The following HEATR9 variants were observed in gnomAD, a reference collection of about 807,000 sequenced individuals.
The protein encoded by HEATR9 is protein HEATR9.
In HEATR9, 54 loss-of-function variants were observed where a neutral mutation model predicts 68.2. The observed-to-expected ratio is 0.79, with a 90% CI of 0.64 to 0.99. HEATR9 has a LOEUF of 0.99. HEATR9 is among the 50% of genes least tolerant of loss of function. The probability of loss-of-function intolerance (pLI) is 0.00; values close to 1 mark genes in which losing one functional copy is unlikely to be tolerated. For missense variants in HEATR9, 662 were observed against 679.7 expected (o/e 0.97, Z 0.29); for synonymous variants, 241 against 253.5 (o/e 0.95, Z 0.47).
intron 11 of HEATR9, among the ~76,000 whole-genome samples, chr17:35,857,979 C>A (rs1598578172): frequency 6.6e-6 from 1 of 152,050 alleles, no homozygotes; most frequent in Non-Finnish European, 1.5e-5. Flanking sequence ...TAGTATGAGA[C>A]AGTTTTTTAC....
At position 35,868,825 on chromosome 17, in the gene HEATR9, C is replaced by T; in HGVS notation, c.-83G>A. On this transcript the variant is annotated 5_prime_UTR_variant, in exon 1 of 15. Coordinates refer to ENST00000604834, the MANE Select transcript of HEATR9 (RefSeq NM_152781.4). ...GGAGTGGGGGCACAGCTGGAGGAGA[C>T]CTGTCCTCTGTGGTACGAGAGGTAC... The T allele has an allele frequency of 8.0e-7, 1 of 1,244,028 alleles. No individual in the cohort carries two copies. The highest frequency in any genetic ancestry group is 2.3e-5 in the East Asian group (1 of 42,932). The allele number at this position is 1,244,028 out of a possible 1,614,324, so 77.1% of individuals were successfully genotyped here.
intron 11 of HEATR9, among the ~76,000 whole-genome samples, chr17:35,857,934 G>C (rs1360146045): frequency 6.6e-6 from 1 of 152,154 alleles, no homozygotes; most frequent in African/African-American, 2.4e-5. Context: ...TTAGTAGGCA[G>C]AAGGGGAGAC....
chr17:35,856,473 A>C, intron 12 of HEATR9: 3 of 1,091,834 alleles, frequency 2.7e-6, no homozygotes, highest in Non-Finnish European at 4.0e-6. Context: ...AGTTCTTTTC[A>C]TGTCATAATT....
At chr17:35,856,115 G>A (rs186183746) in intron 13 of HEATR9, 58 bp downstream of exon 13, 11 of 1,543,332 alleles carry the variant, frequency 7.1e-6, no homozygotes, top group South Asian at 4.5e-5. Flanking sequence ...CTGCTCAATC[G>A]CCTACTCCCC....
At chr17:35,863,477 C>T (rs1437669854) in intron 7 of HEATR9, 25 bp downstream of exon 7, 2 of 1,612,812 alleles carry the variant, frequency 1.2e-6, no homozygotes, top group Non-Finnish European at 1.7e-6. Flanking sequence ...TCTCAACTCC[C>T]CACCAAGGGA....
At chr17:35,857,575 C>T (rs1271197615) in intron 11 of HEATR9, among the ~76,000 whole-genome samples, 5 of 151,982 alleles carry the variant, frequency 3.3e-5, no homozygotes, top group Non-Finnish European at 7.4e-5. Flanking sequence ...CTGGCTAACA[C>T]GATGAAACCC....
At chr17:35,858,126 A>T (rs1568307404) in intron 11 of HEATR9, 74 bp downstream of exon 11, 2 of 1,586,850 alleles carry the variant, frequency 1.3e-6, no homozygotes, top group African/African-American at 2.7e-5. Context: ...GGTGGAGGCC[A>T]GGGGAGGTCT....
intron 11 of HEATR9, 70 bp downstream of exon 11, chr17:35,858,130 G>T (rs137867776): frequency 6.3e-7 from 1 of 1,593,564 alleles, no homozygotes. Flanking sequence ...GAGGCCAGGG[G>T]AGGTCTCCAG....
At chr17:35,863,969 T>A in intron 6 of HEATR9, 1 of 554,972 alleles carries the variant, frequency 1.8e-6, no homozygotes, top group Non-Finnish European at 3.2e-6. Flanking sequence ...GAGAATGTAC[T>A]CTGTTCTGGC....
rs763214270 is a variant in HEATR9 at position 35,862,985 on chromosome 17, T to G, written c.756+10A>C. ...CTTTGCCCCCAATTAAAGACTGTCCTCCCAATCACCTTGTCTTTAGAGACA... is the reference window on the plus strand; with the variant it reads ...CTTTGCCCCCAATTAAAGACTGTCCGCCCAATCACCTTGTCTTTAGAGACA... On this transcript the variant is annotated intron_variant, in intron 8 of 14. Coordinates refer to ENST00000604834, the MANE Select transcript of HEATR9 (RefSeq NM_152781.4). 1.2e-6 allele frequency: 2 copies of G among 1,614,068 alleles called. No homozygotes were observed. Among genetic ancestry groups the G allele is most frequent in the Non-Finnish European group, 1.7e-6 (2 of 1,180,044 alleles).
chr17:35,858,602 C>A, intron 9 of HEATR9, 77 bp from the exon 10 acceptor site: 1 of 1,333,200 alleles, frequency 7.5e-7, no homozygotes, highest in East Asian at 2.4e-5. Context: ...GAGGTCTGAG[C>A]CTAGAACTGG....
chr17:35,863,580 TA>T (rs759910256), intron 6 of HEATR9, 21 bp from the exon 7 acceptor site: 1 of 1,611,916 alleles, frequency 6.2e-7, no homozygotes, highest in Non-Finnish European at 8.5e-7. Context: ...AGGCGGGTGG[TA>T]GGAACATATA....
intron 8 of HEATR9, chr17:35,861,362 A>G: frequency 1.3e-6 from 2 of 1,571,544 alleles, no homozygotes; most frequent in South Asian, 1.1e-5. Flanking sequence ...TAAAATTCAA[A>G]TGAATTATCC....
Position 35,865,442 on chromosome 17 carries a change from C to T in HEATR9, c.139-46G>A, listed in dbSNP as rs766581271. ...AACAGTCAGAGGGGTCCCCTAGGCC[C>T]TTACTTGTGAGGGTATGGGGAGGAG... On this transcript the variant is annotated intron_variant, in intron 2 of 14. Transcript: ENST00000604834. 11 of 1,527,184 alleles carry T rather than the reference C, an allele frequency of 7.2e-6. No individual in the cohort carries two copies. The Admixed American group carries it at 1.7e-4, about 24-fold the overall frequency. 94.6% of individuals were successfully genotyped at this position (1,527,184 alleles called of 1,614,324 possible). A position where few individuals can be genotyped will look rare whatever the true frequency, so the allele number is the denominator to read the frequency against.
chr17:35,867,619 G>C (rs1394091371), intron 1 of HEATR9, among the ~76,000 whole-genome samples: 3 of 151,822 alleles, frequency 2.0e-5, no homozygotes, highest in Admixed American at 2.0e-4. Context: ...GACCAATCTG[G>C]GCAACAAAGT....
rs565305148 is a variant in HEATR9, at chr17:35,865,048, G to A, written c.321-158C>T. 3.3e-5 allele frequency among the ~76,000 whole-genome samples: 5 copies of A among 151,834 alleles called. No individual in the cohort carries two copies. In the East Asian group the frequency reaches 5.8e-4, roughly 18 times the overall value. ...ATATCCACCAGAGCCGAGCCGAGCC[G>A]AGCCGGCCGAGCCAGATGGAGCTGA... On this transcript the variant is annotated intron_variant, in intron 3 of 14. Coordinates refer to ENST00000604834, the MANE Select transcript of HEATR9 (RefSeq NM_152781.4).
chr17:35,864,823 T>G lies in HEATR9; in HGVS notation c.388A>C (p.Lys130Gln). The G allele has an allele frequency of 6.2e-7, 1 of 1,614,198 alleles. No individual in the cohort carries two copies. The highest frequency in any genetic ancestry group is 8.5e-7 in the Non-Finnish European group (1 of 1,180,044). ...FHLPMSKLTI[K>Q]SEMRSRPLEP... ...AAGGGCCTGGATCGCATCTCAGATT[T>G]TATAGTCAGCTTGCTCATTGGGAGA... The change falls in exon 4 of 15, where the codon AAA becomes CAA. Residue 130 changes from lysine to glutamine, a missense_variant. Physicochemically the swap from Lys to Gln is moderately conservative, Grantham distance 53 (BLOSUM62 1). Coordinates refer to ENST00000604834, the MANE Select transcript of HEATR9 (RefSeq NM_152781.4).
At chr17:35,856,563 A>G (rs930037394) in intron 12 of HEATR9, among the ~76,000 whole-genome samples, 169 bp downstream of exon 12, 1 of 152,194 alleles carries the variant, frequency 6.6e-6, no homozygotes, top group Admixed American at 6.5e-5. Flanking sequence ...CTCAGGGGTC[A>G]AAGAGTTACT....
Position 35,864,497 on chromosome 17 carries a change from C to T in HEATR9, c.510G>A (p.Gln170=). ...CTCCTCTATCCTTGCCTCTTCTCAC[C>T]TGTGCTGCATAGAACTGCTCATCCT... is the stretch of plus-strand genomic sequence containing the variant. ...PREDEQFYAA[Q]ALGCLRISDK... is the part of the protein sequence containing the mutation. Residue 170 remains glutamine, a splice_region_variant and synonymous_variant, in exon 5 of 15, where the codon CAG becomes CAA. Transcript: ENST00000604834. 1 of 1,613,904 alleles carries T rather than the reference C, an allele frequency of 6.2e-7. No homozygotes were observed. Among genetic ancestry groups the T allele is most frequent in the Non-Finnish European group, 8.5e-7 (1 of 1,179,916 alleles).
Sources: allele counts gnomAD v4.1 joint callset (sites outside exome capture counted in the v4.1 genomes callset), GRCh38; gene constraint gnomAD v4.1.1; transcripts MANE v1.5; gene names NCBI Gene and HGNC (gene_info 2026-07-23, HGNC 2026-07-21).